CCDC88A: variants seen among roughly 807,000 people sequenced by gnomAD.
CCDC88A encodes the protein coiled-coil and HOOK domain protein 88A, also known as girdin.
Under a neutral mutation model 234.3 loss-of-function variants are expected in CCDC88A, and 54 were observed. That is an observed-to-expected ratio of 0.23 (90% confidence interval 0.19 to 0.29). The LOEUF (loss-of-function observed/expected upper bound fraction) is 0.29, where lower values mean the gene tolerates loss of function less well. Among genes scored for constraint, CCDC88A ranks in the 10% least tolerant of loss-of-function variants. The pLI is 1.00. For synonymous variants in CCDC88A, 753 were observed against 737.8 expected, an observed-to-expected ratio of 1.02 and a Z score of -0.33; for missense variants, 1,832 against 2,123.4, an observed-to-expected ratio of 0.86 and a Z score of 2.70.
intron 25 of CCDC88A, among the ~76,000 whole-genome samples, chr2:55,306,755 T>C (rs1681622667): frequency 6.6e-6 from 1 of 152,126 alleles, no homozygotes; most frequent in Non-Finnish European, 1.5e-5. Context: ...TTTGGATTTT[T>C]AGTAGACACG....
rs116170919 is a variant in CCDC88A, at chr2:55,383,853, A to G, written c.273+4925T>C. On this transcript the variant is annotated intron_variant, in intron 3 of 32. Coordinates refer to ENST00000436346, the MANE Select transcript of CCDC88A (RefSeq NM_001365480.1). ...TATATTAAACCACACCCTCTCTAAT[A>G]TAATAAGAACAAAAAAATTATTTCA... is the stretch of plus-strand genomic sequence containing the variant. 3.0e-3 allele frequency among the ~76,000 whole-genome samples: 457 copies of G among 152,226 alleles called. 2 individuals carry two copies. Among genetic ancestry groups the G allele is most frequent in the African/African-American group, 7.2e-3 (301 of 41,530 alleles).
chr2:55,346,560 A>C (rs2966467), intron 9 of CCDC88A, among the ~76,000 whole-genome samples: 71,158 of 151,526 alleles, frequency 0.47, 18,082 homozygotes, highest in East Asian at 0.85. Context: ...GCTGGGATTA[A>C]AAGCTCCCCC....
chr2:55,312,541 A>C lies in CCDC88A; in HGVS notation c.3972T>G (p.Asn1324Lys). Residue 1324 changes from asparagine (N) to lysine (K), a missense_variant, in exon 23 of 33, where the codon AAT (asparagine) becomes AAG (lysine). Asn to Lys is a moderately conservative substitution (Grantham distance 94). This residue lies in a region of CCDC88A where 1,282 missense variants were observed against 1,543.6 expected (regional missense o/e 0.83). Coordinates refer to ENST00000436346, the MANE Select transcript of CCDC88A (RefSeq NM_001365480.1). ...SQLKGNLEEE[N>K]RHLLDQIQTL... ...TCTGAATTTGATCTAGTAGATGCCGATTTTCTTCTTCTAAATTTCCTTTAA... is the reference window on the plus strand; with the variant it reads ...TCTGAATTTGATCTAGTAGATGCCGCTTTTCTTCTTCTAAATTTCCTTTAA... 1 of 1,609,592 alleles carries C rather than the reference A, an allele frequency of 6.2e-7. No homozygotes were observed. The highest frequency in any genetic ancestry group is 8.5e-7 in the Non-Finnish European group (1 of 1,178,168).
intron 8 of CCDC88A, among the ~76,000 whole-genome samples, chr2:55,353,649 CA>C (rs34022778): frequency 0.39 from 30,479 of 77,306 alleles, 2,653 homozygotes; most frequent in East Asian, 0.5. Context: ...GAAACCAAAC[CA>C]AAAAAAAAAA....
intron 3 of CCDC88A, among the ~76,000 whole-genome samples, chr2:55,385,814 T>C (rs1181080020): frequency 2.6e-5 from 3 of 115,398 alleles, no homozygotes; most frequent in Non-Finnish European, 4.9e-5. Context: ...AATTGCACCA[T>C]TGCACTCCAG....
In CCDC88A at chr2:55,335,041, C is replaced by T; in HGVS notation, c.1780G>A (p.Glu594Lys). The change falls in exon 15 of 33, where the codon GAA (glutamate) becomes AAA (lysine). Residue 594 changes from glutamate to lysine, a missense_variant. Coordinates refer to ENST00000436346, the MANE Select transcript of CCDC88A (RefSeq NM_001365480.1). This position sits in a 1 kb window ranked among gnomAD's most constrained non-coding sequence, Gnocchi z 4.5. Reference sequence around the variant, plus strand: ...TTGCTACTTGTTTCTTTGATAGATTCATGAAGAATTTTGTTTTCTTTTTCA... The same window carrying T: ...TTGCTACTTGTTTCTTTGATAGATTTATGAAGAATTTTGTTTTCTTTTTCA... The part of the protein sequence containing the change: ...DIEKENKILH[E>K]SIKETSSKLS... 3 of 1,610,802 alleles carry T rather than the reference C, an allele frequency of 1.9e-6. No homozygotes were observed. The highest frequency in any genetic ancestry group is 2.5e-6 in the Non-Finnish European group (3 of 1,178,048).
chr2:55,332,395 T>C lies in CCDC88A; in HGVS notation c.2855+171A>G. 5.0e-6 allele frequency: 6 copies of C among 1,204,818 alleles called. No individual in the cohort carries two copies. In the South Asian group the frequency reaches 1.0e-4, roughly 21 times the overall value. The allele number at this position is 1,204,818 out of a possible 1,614,324, so 74.6% of individuals were successfully genotyped here. Reference sequence around the variant, plus strand: ...CTTCAGCCTCCCAAAGTGCTGGGATTATAGGTGTGAGCCACCGCACCCGGC... The same window carrying C: ...CTTCAGCCTCCCAAAGTGCTGGGATCATAGGTGTGAGCCACCGCACCCGGC... On this transcript the variant is annotated intron_variant, in intron 16 of 32. Coordinates refer to ENST00000436346, the MANE Select transcript of CCDC88A (RefSeq NM_001365480.1). This position sits in a 1 kb window ranked among gnomAD's most constrained non-coding sequence, Gnocchi z 4.5.
chr2:55,294,470 T>C (rs1186936640), intron 31 of CCDC88A: 1 of 873,302 alleles, frequency 1.1e-6, no homozygotes. Context: ...TAGTTAATAT[T>C]TGTTATATAA....
intron 3 of CCDC88A, among the ~76,000 whole-genome samples, chr2:55,382,022 T>G (rs1472101894): frequency 6.6e-6 from 1 of 152,216 alleles, no homozygotes; most frequent in Non-Finnish European, 1.5e-5. Context: ...TAAGCCTATT[T>G]TATCATATTT....
chr2:55,384,079 G>C lies in CCDC88A; in HGVS notation c.273+4699C>G, dbSNP rs546386432. Among the ~76,000 whole-genome samples the C allele has an allele frequency of 1.8e-4, 28 of 152,148 alleles. 1 individual carries two copies. In the South Asian group the frequency reaches 5.8e-3, roughly 32 times the overall value. On this transcript the variant is annotated intron_variant, in intron 3 of 32. Coordinates refer to ENST00000436346, the MANE Select transcript of CCDC88A (RefSeq NM_001365480.1). Reference sequence around the variant, plus strand: ...TATAGCATAGTGACACACATGTGTAGTCCCAGCTACTTAGGAGGCTGAGGC... The same window carrying C: ...TATAGCATAGTGACACACATGTGTACTCCCAGCTACTTAGGAGGCTGAGGC...
intron 8 of CCDC88A, among the ~76,000 whole-genome samples, chr2:55,351,524 A>G (rs181581189): frequency 3.8e-4 from 58 of 152,042 alleles, no homozygotes; most frequent in Middle Eastern, 3.4e-3. Flanking sequence ...TTTAAAAATT[A>G]TTTGTAGAGA....
intron 2 of CCDC88A, among the ~76,000 whole-genome samples, chr2:55,416,655 G>A (rs1054326114): frequency 2.0e-5 from 3 of 150,782 alleles, no homozygotes; most frequent in Non-Finnish European, 3.0e-5. Flanking sequence ...GTAACTAAAT[G>A]TACTGTAGAA....
rs1431901975 is a variant in CCDC88A at position 55,418,748 on chromosome 2, G to A, written c.164+68C>T. The A allele has an allele frequency of 2.4e-6, 3 of 1,233,044 alleles. No homozygotes were observed. The African/African-American group carries it at 4.5e-5, about 18-fold the overall frequency. 76.4% of individuals were successfully genotyped at this position (1,233,044 alleles called of 1,614,324 possible). On this transcript the variant is annotated intron_variant, in intron 2 of 32. Transcript: ENST00000436346. ...AACCAAATTAGGGGCTTAAAACATC[G>A]TGTCTCAAAGTTCACCATATGCTAT... is the stretch of plus-strand genomic sequence containing the variant.
chr2:55,365,612 T>C (rs188838742), intron 5 of CCDC88A, among the ~76,000 whole-genome samples: 1 of 152,276 alleles, frequency 6.6e-6, no homozygotes, highest in Non-Finnish European at 1.5e-5. Flanking sequence ...TCAACACAAA[T>C]CAATGAAAAT....
intron 2 of CCDC88A, among the ~76,000 whole-genome samples, chr2:55,391,977 T>G (rs1015056972): frequency 6.6e-6 from 1 of 152,216 alleles, no homozygotes; most frequent in African/African-American, 2.4e-5. Flanking sequence ...TTGATGTACA[T>G]GAACTAGACA....
chr2:55,383,697 G>A (rs1315656030), intron 3 of CCDC88A, among the ~76,000 whole-genome samples: 1 of 151,474 alleles, frequency 6.6e-6, no homozygotes, highest in Non-Finnish European at 1.5e-5. Context: ...CATCTTCTCA[G>A]GGGCATATGA....
At chr2:55,406,589 A>C (rs573092322) in intron 2 of CCDC88A, among the ~76,000 whole-genome samples, 1 of 152,232 alleles carries the variant, frequency 6.6e-6, no homozygotes, top group South Asian at 2.1e-4. Flanking sequence ...CCCCGTCTCT[A>C]CTAAAAATAC....
chr2:55,292,817 C>A (rs774281488), intron 31 of CCDC88A: 1 of 152,202 alleles, frequency 6.6e-6, no homozygotes, highest in Non-Finnish European at 1.5e-5. Context: ...GATGATATCA[C>A]GCCACTGTAC....
chr2:55,343,467 A>G (rs1047357192), intron 12 of CCDC88A, among the ~76,000 whole-genome samples, 181 bp downstream of exon 12: 1 of 152,148 alleles, frequency 6.6e-6, no homozygotes, highest in Non-Finnish European at 1.5e-5. Context: ...GTTGTAAGAC[A>G]TGTAAAGCTA....
Sources: allele counts gnomAD v4.1 joint callset (sites outside exome capture counted in the v4.1 genomes callset), GRCh38; gene constraint gnomAD v4.1.1; regional missense constraint gnomAD v4.1.1; non-coding constraint Gnocchi (gnomAD v3.1); transcripts MANE v1.5; gene names NCBI Gene and HGNC (gene_info 2026-07-23, HGNC 2026-07-21).